Variants in SRFBP1 observed in about 807,000 individuals in gnomAD.
SRFBP1 encodes the protein serum response factor-binding protein 1.
A neutral mutation model predicts 45.5 loss-of-function variants in SRFBP1; 47 were observed. The ratio of observed to expected loss-of-function variants is 1.03; its 90% CI spans 0.82 to 1.32. The LOEUF is 1.32. SRFBP1 is among the 40% of genes most tolerant of loss of function. SRFBP1 has a pLI of 0.00. For missense variants in SRFBP1, 621 were observed against 484.6 expected, an observed-to-expected ratio of 1.28 and a Z score of -2.64; for synonymous variants, 203 against 166.3, an observed-to-expected ratio of 1.22 and a Z score of -1.70.
At chr5:122,002,091 G>A (rs1298407894) in intron 4 of SRFBP1, among the ~76,000 whole-genome samples, 1 of 152,082 alleles carries the variant, frequency 6.6e-6, no homozygotes, top group Non-Finnish European at 1.5e-5. Context: ...TTTCACTAAA[G>A]TATGTTAGAT....
intron 2 of SRFBP1, chr5:122,063,460 A>C (rs889876535): frequency 6.6e-6 from 1 of 151,966 alleles, no homozygotes; most frequent in African/African-American, 2.4e-5. Flanking sequence ...AAATGTTTAT[A>C]TACCACAAGC....
intron 3 of SRFBP1, among the ~76,000 whole-genome samples, chr5:121,991,700 A>G (rs377052355): frequency 6.6e-6 from 1 of 152,262 alleles, no homozygotes; most frequent in East Asian, 1.9e-4. Context: ...TTAGTTTCTC[A>G]TTGTTTACTT....
intron 4 of SRFBP1, among the ~76,000 whole-genome samples, chr5:121,994,991 T>A (rs1322813806): frequency 6.7e-6 from 1 of 149,456 alleles, no homozygotes; most frequent in African/African-American, 2.5e-5. Flanking sequence ...ATCCTAAATA[T>A]ATATGCACCC....
At chr5:122,047,513 T>C (rs1380338237) in intron 2 of SRFBP1, among the ~76,000 whole-genome samples, 1 of 152,210 alleles carries the variant, frequency 6.6e-6, no homozygotes, top group South Asian at 2.1e-4. Flanking sequence ...TGGCTTAGGA[T>C]TGTCTTGGCA....
intron 3 of SRFBP1, among the ~76,000 whole-genome samples, chr5:121,979,979 C>T (rs1482316677): frequency 6.6e-6 from 1 of 152,144 alleles, no homozygotes; most frequent in Non-Finnish European, 1.5e-5. Flanking sequence ...TAAGGACCCT[C>T]CTCCTAACAA....
At chr5:122,016,887 C>A (rs1416997984) in intron 4 of SRFBP1, among the ~76,000 whole-genome samples, 1 of 152,122 alleles carries the variant, frequency 6.6e-6, no homozygotes, top group African/African-American at 2.4e-5. Context: ...AGATGCGTAT[C>A]AGTTTCCTAA....
chr5:122,008,133 A>G (rs1189065406), intron 4 of SRFBP1, among the ~76,000 whole-genome samples: 6 of 151,608 alleles, frequency 4.0e-5, no homozygotes, highest in African/African-American at 1.5e-4. Flanking sequence ...AAATGCTGAG[A>G]CCACAAGTGC....
rs1172002847 is a variant in SRFBP1 at position 121,994,615 on chromosome 5, T to C, written c.215T>C (p.Ile72Thr). The change falls in exon 4 of 8, where the codon ATA becomes ACA. Residue 72 changes from isoleucine to threonine, a missense_variant. Coordinates refer to ENST00000339397, the MANE Select transcript of SRFBP1 (RefSeq NM_152546.3). ...CTTTCACAGGAATTGAAACCTGACATAGTAACTAAATCTGCTCTTGGTGAT... is the reference window on the plus strand; with the variant it reads ...CTTTCACAGGAATTGAAACCTGACACAGTAACTAAATCTGCTCTTGGTGAT... The part of the protein sequence containing the change: ...IHAMKELKPD[I>T]VTKSALGDDI... 3 of 1,597,520 alleles carry C rather than the reference T, an allele frequency of 1.9e-6. No homozygotes were observed. The highest frequency in any genetic ancestry group is 1.3e-5 in the African/African-American group (1 of 74,136).
At chr5:121,990,337 T>C (rs1480341451) in intron 3 of SRFBP1, among the ~76,000 whole-genome samples, 1 of 152,122 alleles carries the variant, frequency 6.6e-6, no homozygotes, top group Non-Finnish European at 1.5e-5. Flanking sequence ...AAGCAAGTAC[T>C]TCATGTTCTC....
chr5:122,048,891 A>T (rs901860921), intron 2 of SRFBP1, among the ~76,000 whole-genome samples: 2 of 152,154 alleles, frequency 1.3e-5, no homozygotes, highest in African/African-American at 4.8e-5. Context: ...CAGTGATGAT[A>T]TCCCCTTCAT....
At chr5:122,012,122 G>A (rs1738525792) in intron 4 of SRFBP1, among the ~76,000 whole-genome samples, 1 of 151,998 alleles carries the variant, frequency 6.6e-6, no homozygotes, top group African/African-American at 2.4e-5. Context: ...TAATTGGCTA[G>A]GTAATCTTGA....
In SRFBP1 at chr5:122,020,594, A is replaced by G. The variant is rs1241267153; in HGVS notation, c.859A>G (p.Ile287Val). The change falls in exon 6 of 8, where the codon ATT (isoleucine) becomes GTT (valine). Residue 287 changes from isoleucine to valine, a missense_variant. Coordinates refer to ENST00000339397, the MANE Select transcript of SRFBP1 (RefSeq NM_152546.3). ...EDSDSGDDFF[I>V]GKVRRTRKKE... ...TAGTGATAGCGGTGACGACTTCTTC[A>G]TTGGGAAAGTCAGACGGACACGAAA... The G allele has an allele frequency of 6.2e-7, 1 of 1,613,882 alleles. No homozygotes were observed. Among genetic ancestry groups the G allele is most frequent in the South Asian group, 1.1e-5 (1 of 90,986 alleles).
rs866325615 is a variant in SRFBP1, at chr5:122,034,372, C to A, written n.311+11965C>A. On this transcript the variant is annotated intron_variant and non_coding_transcript_variant, in intron 2 of 2. Coordinates refer to the SRFBP1 transcript ENST00000504881. The stretch of plus-strand genomic sequence containing the variant: ...CTGTGCTCTTCTTTAAAAACAAAAT[C>A]TTAAATTTGGTATTTAGGAAGGTTT... 3.3e-5 allele frequency among the ~76,000 whole-genome samples: 5 copies of A among 151,970 alleles called. No individual in the cohort carries two copies. The South Asian group carries it at 1.0e-3, about 32-fold the overall frequency.
At chr5:122,004,580 A>T (rs2112688501) in intron 4 of SRFBP1, among the ~76,000 whole-genome samples, 1 of 152,066 alleles carries the variant, frequency 6.6e-6, no homozygotes, top group Middle Eastern at 3.4e-3. Context: ...CTAGCTATAT[A>T]GGTTTATAGT....
chr5:122,046,301 G>T (rs999327876), intron 2 of SRFBP1, among the ~76,000 whole-genome samples: 1 of 151,996 alleles, frequency 6.6e-6, no homozygotes, highest in African/African-American at 2.4e-5. Flanking sequence ...GCGGTGTTTG[G>T]TTTTTTGTCC....
intron 4 of SRFBP1, among the ~76,000 whole-genome samples, chr5:122,008,981 G>A (rs1753035553): frequency 6.6e-6 from 1 of 152,246 alleles, no homozygotes; most frequent in East Asian, 1.9e-4. Flanking sequence ...TTCTATAATA[G>A]TATCACACAT....
At chr5:121,979,020 A>C (rs1163625602) in intron 3 of SRFBP1, among the ~76,000 whole-genome samples, 1 of 152,220 alleles carries the variant, frequency 6.6e-6, no homozygotes, top group African/African-American at 2.4e-5. Context: ...ATCAGCAGTT[A>C]GGATCACTTC....
intron 2 of SRFBP1, among the ~76,000 whole-genome samples, chr5:122,042,840 T>C (rs1753793485): frequency 6.6e-6 from 1 of 152,208 alleles, no homozygotes; most frequent in South Asian, 2.1e-4. Context: ...TATTAACCTT[T>C]AAAGTTAAAG....
chr5:122,043,254 C>T (rs538991411), intron 2 of SRFBP1, among the ~76,000 whole-genome samples: 19 of 151,714 alleles, frequency 1.3e-4, no homozygotes, highest in Admixed American at 2.0e-4. Flanking sequence ...CTCCCTCTGT[C>T]GCCCAAGCTG....
Sources: gnomAD v4.1 joint callset for allele counts (sites outside exome capture counted in the v4.1 genomes callset) on GRCh38, gnomAD v4.1.1 for gene constraint, MANE v1.5 for transcripts, NCBI Gene and HGNC (gene_info 2026-07-23, HGNC 2026-07-21) for gene names.